KALRN: variants seen among roughly 807,000 people sequenced by gnomAD.
KALRN encodes kalirin RhoGEF kinase, also known as kalirin.
KALRN carries 70 observed loss-of-function variants against 353.7 expected under a neutral mutation model. The ratio of observed to expected loss-of-function variants is 0.20; its 90% CI spans 0.16 to 0.24. KALRN has a LOEUF of 0.24. Among genes scored for constraint, KALRN ranks in the 10% least tolerant of loss-of-function variants. The pLI is 1.00. For missense variants in KALRN, 2,791 were observed against 3,756.7 expected (o/e 0.74, Z 6.72); for synonymous variants, 1,391 against 1,434.8 (o/e 0.97, Z 0.69).
chr3:124,380,622 GC>G (rs939432035), intron 10 of KALRN, among the ~76,000 whole-genome samples: 2 of 152,202 alleles, frequency 1.3e-5, no homozygotes, highest in Admixed American at 1.3e-4. Context: ...ACCAAAGAAT[GC>G]CTAGGAAATA....
At chr3:124,446,404 A>C (rs1057010383) in intron 20 of KALRN, 128 bp downstream of exon 20, 11 of 674,114 alleles carry the variant, frequency 1.6e-5, no homozygotes, top group Middle Eastern at 2.6e-4. Flanking sequence ...AAGAAGAAAG[A>C]AAGCAGGTTG....
chr3:124,342,349 C>T (rs1581158374), intron 9 of KALRN, among the ~76,000 whole-genome samples: 3 of 152,254 alleles, frequency 2.0e-5, no homozygotes, highest in Admixed American at 2.0e-4. Flanking sequence ...TCTAGCACTC[C>T]ACACTCTGCA....
intron 15 of KALRN, among the ~76,000 whole-genome samples, chr3:124,425,599 G>A (rs2092977512): frequency 1.3e-5 from 2 of 152,128 alleles, no homozygotes; most frequent in Admixed American, 6.5e-5. Context: ...GTGGAAGGTG[G>A]CAGGAATGAC....
chr3:124,113,838 G>T (rs867225493), intron 1 of KALRN, among the ~76,000 whole-genome samples: 1 of 152,208 alleles, frequency 6.6e-6, no homozygotes, highest in African/African-American at 2.4e-5. Context: ...GAACTGGCAG[G>T]CATTAGAAGG....
intron 1 of KALRN, among the ~76,000 whole-genome samples, chr3:124,092,676 C>T (rs1159049646): frequency 6.6e-6 from 1 of 152,142 alleles, no homozygotes; most frequent in East Asian, 1.9e-4. Context: ...TCTTAGTGCC[C>T]CAGAAACTCT....
intron 40 of KALRN, 72 bp downstream of exon 40, chr3:124,657,623 ACT>A: frequency 7.2e-7 from 1 of 1,396,068 alleles, no homozygotes; most frequent in Non-Finnish European, 1.0e-6. Flanking sequence ...CCTGCATCTG[ACT>A]CAAGGAGTAG....
At chr3:124,491,780 C>T (rs117622657) in intron 31 of KALRN, 3,464 of 175,454 alleles carry the variant, frequency 0.02, 88 homozygotes, top group Admixed American at 0.061. Context: ...TGATTTGCTC[C>T]ACATTCATTT....
chr3:124,237,665 C>T (rs935022643), intron 3 of KALRN, among the ~76,000 whole-genome samples: 2 of 152,166 alleles, frequency 1.3e-5, no homozygotes, highest in Non-Finnish European at 1.5e-5. Flanking sequence ...TCCTGACCAA[C>T]ATTTGCTACC....
intron 4 of KALRN, among the ~76,000 whole-genome samples, chr3:124,265,306 T>G (rs1479250433): frequency 1.6e-5 from 2 of 128,042 alleles, no homozygotes. Context: ...TTCTTTTTTT[T>G]TTTTTTGAGA....
chr3:124,071,224 A>G (rs1169204155), intron 1 of KALRN, among the ~76,000 whole-genome samples: 1 of 152,098 alleles, frequency 6.6e-6, no homozygotes, highest in Non-Finnish European at 1.5e-5. Flanking sequence ...GACTTCTGTA[A>G]TGGTGTCATC....
At chr3:124,528,361 A>G (rs1197531488) in intron 33 of KALRN, among the ~76,000 whole-genome samples, 1 of 152,222 alleles carries the variant, frequency 6.6e-6, no homozygotes, top group African/African-American at 2.4e-5. Flanking sequence ...GTGCCCAAGT[A>G]GTAGGTATGT....
At chr3:124,455,675 T>C (rs909856566) in intron 22 of KALRN, among the ~76,000 whole-genome samples, 2 of 152,192 alleles carry the variant, frequency 1.3e-5, no homozygotes. Flanking sequence ...AAGCTTTATC[T>C]TGGCTTCATA....
intron 45 of KALRN, among the ~76,000 whole-genome samples, chr3:124,663,391 A>T (rs527794936): frequency 1.5e-4 from 23 of 152,220 alleles, no homozygotes; most frequent in African/African-American, 5.3e-4. Context: ...AGGGGCTAGG[A>T]CTTCAACATA....
intron 1 of KALRN, among the ~76,000 whole-genome samples, chr3:124,083,873 C>G (rs2060667244): frequency 6.6e-6 from 1 of 152,238 alleles, no homozygotes; most frequent in Non-Finnish European, 1.5e-5. Context: ...ATTGTTGACT[C>G]TGTCTTTGTC....
At chr3:124,709,735 T>C (rs573915952) in intron 57 of KALRN, among the ~76,000 whole-genome samples, 1 of 152,172 alleles carries the variant, frequency 6.6e-6, no homozygotes, top group East Asian at 1.9e-4. Context: ...AAAGAGAGAA[T>C]AGAACAAATA....
intron 34 of KALRN, among the ~76,000 whole-genome samples, chr3:124,625,082 A>G (rs993660012): frequency 6.6e-6 from 1 of 152,228 alleles, no homozygotes; most frequent in African/African-American, 2.4e-5. Flanking sequence ...TTATTTAACA[A>G]ATGCTTCTCT....
chr3:124,211,549 A>C (rs902248369), intron 1 of KALRN, among the ~76,000 whole-genome samples: 8 of 152,220 alleles, frequency 5.3e-5, no homozygotes, highest in African/African-American at 1.7e-4. Context: ...GTGGGCTCAC[A>C]GGTAAAAGGT....
At chr3:124,642,810 T>TTTTGTTGTTGTTG (rs1176279209) in intron 37 of KALRN, among the ~76,000 whole-genome samples, 34 of 137,906 alleles carry the variant, frequency 2.5e-4, no homozygotes, top group Middle Eastern at 3.7e-3. Context: ...AGCCTCGTTT[T>TTTTGTTGTTGTTG]TTTTTTTTTT....
At chr3:124,663,055 C>T (rs2085092955) in intron 45 of KALRN, among the ~76,000 whole-genome samples, 1 of 152,138 alleles carries the variant, frequency 6.6e-6, no homozygotes, top group African/African-American at 2.4e-5. Flanking sequence ...AAGCGATTCT[C>T]CTGCCTCAGT....
Sources: allele counts gnomAD v4.1 joint callset (sites outside exome capture counted in the v4.1 genomes callset), GRCh38; gene constraint gnomAD v4.1.1; transcripts MANE v1.5; gene names NCBI Gene and HGNC (gene_info 2026-07-23, HGNC 2026-07-21).